Variants in FGGY observed in about 807,000 individuals in gnomAD.
The protein encoded by FGGY is FGGY carbohydrate kinase domain-containing protein.
FGGY carries 72 observed loss-of-function variants against 71.3 expected under a neutral mutation model. The ratio of observed to expected loss-of-function variants is 1.01; its 90% CI spans 0.84 to 1.23. FGGY has a LOEUF of 1.23. FGGY is among the 50% of genes most tolerant of loss of function. The pLI is 0.00. For missense variants in FGGY, 668 were observed against 682.3 expected (o/e 0.98, Z 0.23); for synonymous variants, 251 against 250.3 (o/e 1.00, Z -0.02).
chr1:59,347,252 C>G (rs981533403), intron 4 of FGGY, among the ~76,000 whole-genome samples: 1 of 126,120 alleles, frequency 7.9e-6, no homozygotes, highest in East Asian at 2.8e-4. Context: ...CCCCCTCCCC[C>G]CACCCCACAA....
chr1:59,515,366 T>C (rs1160657668), intron 7 of FGGY, among the ~76,000 whole-genome samples: 2 of 152,096 alleles, frequency 1.3e-5, no homozygotes, highest in Non-Finnish European at 2.9e-5. Flanking sequence ...TTTTACAGGC[T>C]CATGGGTGGA....
chr1:59,567,002 A>C (rs978534005), intron 8 of FGGY, among the ~76,000 whole-genome samples: 1 of 152,180 alleles, frequency 6.6e-6, no homozygotes, highest in Non-Finnish European at 1.5e-5. Context: ...CCTGACACAT[A>C]ATAGGTGTCC....
chr1:59,549,069 T>C lies in FGGY; in HGVS notation c.800-5055T>C, dbSNP rs956708490. Among the ~76,000 whole-genome samples, 6 of 152,236 alleles carry C rather than the reference T, an allele frequency of 3.9e-5. No homozygotes were observed. The East Asian group carries it at 7.7e-4, about 20-fold the overall frequency. ...TGTTAGTCAAAATAATGGACTTCAGTGTCTGCGTGTATGTAGTCTGGTGTT... is the reference window on the plus strand; with the variant it reads ...TGTTAGTCAAAATAATGGACTTCAGCGTCTGCGTGTATGTAGTCTGGTGTT... On this transcript the variant is annotated intron_variant, in intron 7 of 15. Coordinates refer to ENST00000303721, the MANE Select transcript of FGGY (RefSeq NM_018291.5).
At chr1:59,557,640 TGAAAG>T (rs879347283) in intron 8 of FGGY, among the ~76,000 whole-genome samples, 156 of 152,304 alleles carry the variant, frequency 1.0e-3, no homozygotes, top group South Asian at 1.5e-3. Flanking sequence ...TTTAACTCCA[TGAAAG>T]CAGAGCTGCT....
chr1:59,633,177 A>AT (rs1392194032), intron 10 of FGGY, among the ~76,000 whole-genome samples: 5 of 151,632 alleles, frequency 3.3e-5, no homozygotes, highest in South Asian at 4.2e-4. Context: ...CGCCCGGCTA[A>AT]TTTTTTGTAT....
intron 1 of FGGY, among the ~76,000 whole-genome samples, chr1:59,319,843 C>G (rs1019960908): frequency 6.6e-6 from 1 of 152,068 alleles, no homozygotes; most frequent in Admixed American, 6.5e-5. Context: ...TTTCAGTTGT[C>G]CTGAGAGAGG....
chr1:59,321,282 A>T (rs2046333536), intron 1 of FGGY, among the ~76,000 whole-genome samples: 1 of 152,162 alleles, frequency 6.6e-6, no homozygotes, highest in African/African-American at 2.4e-5. Context: ...CTAAATAATT[A>T]TGTATTTAAA....
chr1:59,577,727 G>T (rs2096107850), intron 8 of FGGY, among the ~76,000 whole-genome samples: 1 of 152,008 alleles, frequency 6.6e-6, no homozygotes, highest in South Asian at 2.1e-4. Context: ...TATTTCAAAA[G>T]GTATTTCATT....
intron 3 of FGGY, among the ~76,000 whole-genome samples, chr1:59,343,278 A>G (rs563230610): frequency 3.3e-5 from 5 of 152,218 alleles, no homozygotes; most frequent in Non-Finnish European, 7.3e-5. Flanking sequence ...CCTTAGGTAA[A>G]GTGAGGTAGC....
intron 14 of FGGY, among the ~76,000 whole-genome samples, chr1:59,712,407 G>T (rs915127568): frequency 1.3e-5 from 2 of 152,146 alleles, no homozygotes; most frequent in African/African-American, 4.8e-5. Context: ...CTGGAGGTCG[G>T]TGGCCCTCTT....
At chr1:59,372,076 G>A (rs1214234617) in intron 4 of FGGY, among the ~76,000 whole-genome samples, 1 of 152,076 alleles carries the variant, frequency 6.6e-6, no homozygotes, top group Non-Finnish European at 1.5e-5. Context: ...AACTGAAGGC[G>A]ATAAATCGAG....
In FGGY at chr1:59,638,216, CT is replaced by C; in HGVS notation, c.1074-10del. 6.2e-7 allele frequency: 1 copy of C among 1,611,388 alleles called. No homozygotes were observed. Among genetic ancestry groups the C allele is most frequent in the South Asian group, 1.1e-5 (1 of 90,648 alleles). On this transcript the variant is annotated splice_polypyrimidine_tract_variant and intron_variant, in intron 10 of 15. Coordinates refer to ENST00000303721, the MANE Select transcript of FGGY (RefSeq NM_018291.5). ...ATCCCCCCTTTAAAAATAAAATTCA[CT>C]TCTCTTCCAGATGCCAGAGTATATA...
At chr1:59,729,417 G>A (rs551227602) in intron 14 of FGGY, among the ~76,000 whole-genome samples, 1 of 152,070 alleles carries the variant, frequency 6.6e-6, no homozygotes, top group African/African-American at 2.4e-5. Flanking sequence ...TTGCCTTTTA[G>A]CATGCCTTTT....
At chr1:59,689,593 A>G (rs2097573373) in intron 14 of FGGY, among the ~76,000 whole-genome samples, 1 of 152,138 alleles carries the variant, frequency 6.6e-6, no homozygotes, top group Non-Finnish European at 1.5e-5. Flanking sequence ...CTTAGATAAT[A>G]CTGCTTTCTG....
intron 6 of FGGY, among the ~76,000 whole-genome samples, chr1:59,463,589 C>T (rs577987980): frequency 4.9e-4 from 74 of 151,738 alleles, no homozygotes; most frequent in African/African-American, 1.7e-3. Context: ...GAGTCAAGAC[C>T]CATCAGTGTG....
intron 14 of FGGY, among the ~76,000 whole-genome samples, chr1:59,686,241 G>T (rs1402321884): frequency 1.3e-5 from 2 of 152,080 alleles, no homozygotes; most frequent in East Asian, 3.9e-4. Flanking sequence ...TCCTTCCCTT[G>T]GCCAGCTTTG....
chr1:59,344,894 C>A (rs1037461957), intron 3 of FGGY, among the ~76,000 whole-genome samples: 5 of 152,168 alleles, frequency 3.3e-5, no homozygotes, highest in African/African-American at 1.2e-4. Flanking sequence ...ACATGGAGGG[C>A]TGACTCTGTG....
chr1:59,346,953 T>C (rs2052082453), intron 4 of FGGY, among the ~76,000 whole-genome samples: 1 of 150,896 alleles, frequency 6.6e-6, no homozygotes, highest in South Asian at 2.1e-4. Context: ...AATTCTTTTT[T>C]TTTTTTTTTT....
At chr1:59,317,198 C>T (rs2045602330) in intron 1 of FGGY, among the ~76,000 whole-genome samples, 1 of 152,180 alleles carries the variant, frequency 6.6e-6, no homozygotes, top group African/African-American at 2.4e-5. Context: ...TTTCTTGCTG[C>T]ATTTGTTGTT....
Sources: allele counts gnomAD v4.1 joint callset (sites outside exome capture counted in the v4.1 genomes callset), GRCh38; gene constraint gnomAD v4.1.1; transcripts MANE v1.5; gene names NCBI Gene and HGNC (gene_info 2026-07-23, HGNC 2026-07-21).